TMEM126A: variants seen among roughly 807,000 people sequenced by gnomAD.
The protein encoded by TMEM126A is optic atrophy 7.
Under a neutral mutation model 18.3 loss-of-function variants are expected in TMEM126A, and 10 were observed. That is an observed-to-expected ratio of 0.55 (90% confidence interval 0.34 to 0.93). The LOEUF is 0.93. Among genes scored for constraint, TMEM126A ranks in the 40% least tolerant of loss-of-function variants. The pLI, the probability that TMEM126A is intolerant of heterozygous loss-of-function variation, is 0.02. For missense variants in TMEM126A, 246 were observed against 230.2 expected (o/e 1.07, Z -0.44); for synonymous variants, 68 against 78.1 (o/e 0.87, Z 0.68).
chr11:85,652,809 T>C (rs538234219), intron 2 of TMEM126A, among the ~76,000 whole-genome samples: 8 of 151,340 alleles, frequency 5.3e-5, no homozygotes, highest in Non-Finnish European at 7.4e-5. Flanking sequence ...ATATGTATTT[T>C]ATATATATTA....
Position 85,651,005 on chromosome 11 carries a change from G to A in TMEM126A, c.86+664G>A, listed in dbSNP as rs192892089. On this transcript the variant is annotated intron_variant, in intron 2 of 4. Transcript: ENST00000304511. Reference sequence around the variant, plus strand: ...AATTGCTTGAACCAGGGAGGCGGAGGTTGCAGTGAGCCGAGATCACACCAC... The same window carrying A: ...AATTGCTTGAACCAGGGAGGCGGAGATTGCAGTGAGCCGAGATCACACCAC... Among the ~76,000 whole-genome samples, 4 of 134,070 alleles carry A rather than the reference G, an allele frequency of 3.0e-5. No individual in the cohort carries two copies. In the East Asian group the frequency reaches 9.0e-4, roughly 30 times the overall value. The allele number at this position is 134,070 out of a possible 152,430, so 88.0% of individuals were successfully genotyped here.
Position 85,656,499 on chromosome 11 carries a change from T to G in TMEM126A, c.586T>G (p.Ter196GlyextTer2), listed in dbSNP as rs2082541545. ...QLSEPGKEIH* is the reference protein window; with the variant it reads ...QLSEPGKEIHG ...ATCTGAACCTGGCAAAGAAATTCAC[T>G]GATTTTAAACAAATATGTAAACAAA... is the stretch of plus-strand genomic sequence containing the variant. The change falls in exon 5 of 5, where the codon TGA (stop) becomes GGA (glycine). Residue 196 changes from the stop codon to glycine, a stop_lost. Transcript: ENST00000304511. 1 of 1,611,296 alleles carries G rather than the reference T, an allele frequency of 6.2e-7. No individual in the cohort carries two copies. Among genetic ancestry groups the G allele is most frequent in the African/African-American group, 1.3e-5 (1 of 74,880 alleles).
chr11:85,656,286 A>C (rs756570333), intron 4 of TMEM126A, 23 bp from the exon 5 acceptor site: 1 of 1,602,458 alleles, frequency 6.2e-7, no homozygotes, highest in South Asian at 1.1e-5. Context: ...TTTCTATTGA[A>C]CTATCTCAAT....
intron 1 of TMEM126A, among the ~76,000 whole-genome samples, chr11:85,649,346 G>A (rs2082483228): frequency 6.6e-6 from 1 of 152,188 alleles, no homozygotes; most frequent in Non-Finnish European, 1.5e-5. Context: ...CTGGCATGTA[G>A]GCCATATGCA....
At chr11:85,648,744 C>T (rs2082479203) in intron 1 of TMEM126A, among the ~76,000 whole-genome samples, 1 of 152,160 alleles carries the variant, frequency 6.6e-6, no homozygotes, top group South Asian at 2.1e-4. Flanking sequence ...ATTTCTAAGG[C>T]TGCTTTGTAC....
chr11:85,651,984 C>T (rs1251695012), intron 2 of TMEM126A, among the ~76,000 whole-genome samples: 2 of 152,064 alleles, frequency 1.3e-5, no homozygotes, highest in African/African-American at 4.8e-5. Context: ...GCCAACATGG[C>T]GAAACCCTAT....
chr11:85,653,375 T>C lies in TMEM126A; in HGVS notation c.87-688T>C, dbSNP rs1428257602. On this transcript the variant is annotated intron_variant, in intron 2 of 4. Coordinates refer to ENST00000304511, the MANE Select transcript of TMEM126A (RefSeq NM_032273.4). The stretch of plus-strand genomic sequence containing the variant: ...TGGCTAGTTAAGAGTAATGAAAATC[T>C]TAAGACTGTATTGTAGATGGCAATG... Among the ~76,000 whole-genome samples, 7 of 152,212 alleles carry C rather than the reference T, an allele frequency of 4.6e-5. No homozygotes were observed. The South Asian group carries it at 6.2e-4, about 14-fold the overall frequency.
At chr11:85,649,109 A>AT (rs1186907786) in intron 1 of TMEM126A, among the ~76,000 whole-genome samples, 1 of 151,952 alleles carries the variant, frequency 6.6e-6, no homozygotes, top group Non-Finnish European at 1.5e-5. Flanking sequence ...TAATTTTTGT[A>AT]TTTTTAAAAG....
intron 3 of TMEM126A, among the ~76,000 whole-genome samples, chr11:85,655,159 T>G (rs1221770918): frequency 6.6e-6 from 1 of 152,138 alleles, no homozygotes; most frequent in Non-Finnish European, 1.5e-5. Context: ...CCATCTAAAT[T>G]TTGTTAAGTG....
intron 2 of TMEM126A, among the ~76,000 whole-genome samples, chr11:85,652,362 CATTTT>C (rs2082507178): frequency 1.3e-5 from 2 of 152,292 alleles, no homozygotes; most frequent in Non-Finnish European, 2.9e-5. Context: ...TCTTCATTCC[CATTTT>C]ATTTTCTAAG....
In TMEM126A at chr11:85,647,995, G is replaced by C. The variant is rs1489755510; in HGVS notation, c.-102G>C. The C allele has an allele frequency of 1.3e-5, 2 of 152,388 alleles. No homozygotes were observed. The highest frequency in any genetic ancestry group is 4.8e-5 in the African/African-American group (2 of 41,454). The allele number at this position is 152,388 out of a possible 1,614,324, so 9.4% of individuals were successfully genotyped here. On this transcript the variant is annotated 5_prime_UTR_variant, in exon 1 of 5. Transcript: ENST00000304511. ...CCGCGTCACGAGTCAGCCAAAGATG[G>C]CTGCGCCCAGGTAATTTGAGCAAAG...
rs1383605715 is a variant in TMEM126A at position 85,654,045 on chromosome 11, T to C, written c.87-18T>C. On this transcript the variant is annotated intron_variant, in intron 2 of 4. Coordinates refer to ENST00000304511, the MANE Select transcript of TMEM126A (RefSeq NM_032273.4). ...CACAATAATGCCAAAGAAAAGTTCTTTCTTCTCACCCTTTCAGGAATCTAC... is the reference window on the plus strand; with the variant it reads ...CACAATAATGCCAAAGAAAAGTTCTCTCTTCTCACCCTTTCAGGAATCTAC... 8 of 1,613,998 alleles carry C rather than the reference T, an allele frequency of 5.0e-6. No individual in the cohort carries two copies. Among genetic ancestry groups the C allele is most frequent in the Non-Finnish European group, 6.8e-6 (8 of 1,179,986 alleles).
At chr11:85,651,876 G>C (rs920549812) in intron 2 of TMEM126A, among the ~76,000 whole-genome samples, 2 of 152,118 alleles carry the variant, frequency 1.3e-5, no homozygotes, top group Admixed American at 6.5e-5. Flanking sequence ...TAATAAAAGA[G>C]TAGTAGGCTG....
chr11:85,649,710 A>G (rs2082485871), intron 1 of TMEM126A, among the ~76,000 whole-genome samples: 1 of 152,190 alleles, frequency 6.6e-6, no homozygotes, highest in Admixed American at 6.5e-5. Flanking sequence ...ATGGGTACCT[A>G]TTGGTATCTC....
chr11:85,650,192 G>A, intron 1 of TMEM126A, 57 bp from the exon 2 acceptor site: 1 of 1,132,090 alleles, frequency 8.8e-7, no homozygotes, highest in Non-Finnish European at 1.3e-6. Context: ...GTCTTCAGAA[G>A]GTTTTTAAAA....
chr11:85,655,714 A>G lies in TMEM126A; in HGVS notation c.395+6A>G. 1 of 1,599,574 alleles carries G rather than the reference A, an allele frequency of 6.3e-7. No homozygotes were observed. The highest frequency in any genetic ancestry group is 8.6e-7 in the Non-Finnish European group (1 of 1,167,002). On this transcript the variant is annotated splice_donor_region_variant and intron_variant, in intron 4 of 4. Transcript: ENST00000304511. ...AATGGTGGTCTAGCAGCCAGGTAGG[A>G]AATAAAAAACTTTTTATAATATGTG...
chr11:85,649,409 T>C (rs567691583), intron 1 of TMEM126A, among the ~76,000 whole-genome samples: 5 of 152,226 alleles, frequency 3.3e-5, no homozygotes, highest in Non-Finnish European at 7.3e-5. Flanking sequence ...TTTTATGTTT[T>C]TATAGTTTTT....
chr11:85,655,706 C>T lies in TMEM126A; in HGVS notation c.393C>T (p.Ala131=). 1 of 1,608,644 alleles carries T rather than the reference C, an allele frequency of 6.2e-7. No homozygotes were observed. Among genetic ancestry groups the T allele is most frequent in the Non-Finnish European group, 8.5e-7 (1 of 1,175,188 alleles). The change falls in exon 4 of 5, where the codon GCC becomes GCT. Residue 131 remains alanine, a splice_region_variant and synonymous_variant. Transcript: ENST00000304511. ...TACCTGTAAATGGTGGTCTAGCAGC[C>T]AGGTAGGAAATAAAAAACTTTTTAT... ...LAIPVNGGLA[A]RYQSALLPHK...
Position 85,651,086 on chromosome 11 carries a change from A to T in TMEM126A, c.86+745A>T, listed in dbSNP as rs1270478711. On this transcript the variant is annotated intron_variant, in intron 2 of 4. Transcript: ENST00000304511. ...ATCCGTCTCAAAAAAAAAAAAAAAA[A>T]AAAAAGATATTAAAGAGAAAAACCA... Among the ~76,000 whole-genome samples, 7 of 151,742 alleles carry T rather than the reference A, an allele frequency of 4.6e-5. No individual in the cohort carries two copies. In the South Asian group the frequency reaches 1.3e-3, roughly 27 times the overall value.
Sources: gnomAD v4.1 joint callset for allele counts (sites outside exome capture counted in the v4.1 genomes callset) on GRCh38, gnomAD v4.1.1 for gene constraint, MANE v1.5 for transcripts, NCBI Gene and HGNC (gene_info 2026-07-23, HGNC 2026-07-21) for gene names.